NUB1: variants seen among roughly 807,000 people sequenced by gnomAD.
The protein encoded by NUB1 is negative regulator of ubiquitin like proteins 1, also known as NEDD8 ultimate buster 1.
NUB1 carries 41 observed loss-of-function variants against 77.1 expected under a neutral mutation model. The ratio of observed to expected loss-of-function variants is 0.53; its 90% CI spans 0.41 to 0.69. NUB1 has a LOEUF of 0.69. Among genes scored for constraint, NUB1 ranks in the 30% least tolerant of loss-of-function variants. The pLI is 0.00. For missense variants in NUB1, 643 were observed against 743.8 expected, an observed-to-expected ratio of 0.86 and a Z score of 1.58; for synonymous variants, 257 against 281.0, an observed-to-expected ratio of 0.91 and a Z score of 0.85.
intron 11 of NUB1, among the ~76,000 whole-genome samples, chr7:151,370,741 T>G (rs974820135): frequency 7.1e-6 from 1 of 140,996 alleles, no homozygotes; most frequent in African/African-American, 2.7e-5. Context: ...CCCCTTCCTG[T>G]GTCCACGTGT....
chr7:151,352,290 A>C (rs1464917562), intron 4 of NUB1: 1 of 377,222 alleles, frequency 2.7e-6, no homozygotes, highest in African/African-American at 2.1e-5. Context: ...CAAGCAGTAA[A>C]ACGGAAAGTT....
chr7:151,343,297 T>G (rs889360478), intron 1 of NUB1, among the ~76,000 whole-genome samples: 1 of 152,200 alleles, frequency 6.6e-6, no homozygotes, highest in African/African-American at 2.4e-5. Flanking sequence ...TTCTCCTCCC[T>G]GTCCTGATTA....
chr7:151,347,367 A>G (rs1462203480), intron 2 of NUB1, among the ~76,000 whole-genome samples: 1 of 152,024 alleles, frequency 6.6e-6, no homozygotes, highest in Non-Finnish European at 1.5e-5. Context: ...CCACCTGTGA[A>G]TAGCCACTGC....
Position 151,376,689 on chromosome 7 carries a change from G to A in NUB1, c.1547G>A (p.Arg516Lys). 1 of 1,610,994 alleles carries A rather than the reference G, an allele frequency of 6.2e-7. No individual in the cohort carries two copies. Among genetic ancestry groups the A allele is most frequent in the Non-Finnish European group, 8.5e-7 (1 of 1,178,798 alleles). Residue 516 changes from arginine to lysine, a missense_variant, in exon 14 of 15, where the codon AGA (arginine) becomes AAA (lysine). Arg to Lys is a conservative substitution (Grantham distance 26). Coordinates refer to ENST00000568733, the MANE Select transcript of NUB1 (RefSeq NM_001243351.2). ...LVAEAALRVF[R>K]GNVQLAAQTL... ...GCCGAAGCTGCGCTGAGAGTGTTCA[G>A]AGGCAACGTCCAGCTGGCCGCCCAG...
chr7:151,375,076 C>T (rs969294728), intron 12 of NUB1, among the ~76,000 whole-genome samples: 3 of 151,790 alleles, frequency 2.0e-5, no homozygotes, highest in Non-Finnish European at 4.4e-5. Flanking sequence ...CAGGTGTCCT[C>T]GTTTGCCCTG....
intron 8 of NUB1, among the ~76,000 whole-genome samples, chr7:151,366,333 C>A (rs898281608): frequency 6.6e-6 from 1 of 152,130 alleles, no homozygotes; most frequent in African/African-American, 2.4e-5. Context: ...AACATGAATG[C>A]CTTGTCAGAG....
intron 2 of NUB1, 21 bp downstream of exon 2, chr7:151,345,487 C>T (rs1451671322): frequency 8.7e-6 from 10 of 1,147,550 alleles, no homozygotes. Context: ...TTTAAGACAT[C>T]AATAATTAGC....
At chr7:151,372,395 A>C in intron 11 of NUB1, among the ~76,000 whole-genome samples, 1 of 152,232 alleles carries the variant, frequency 6.6e-6, no homozygotes, top group East Asian at 1.9e-4. Flanking sequence ...CGAAGCTCCC[A>C]GTTGGTGTGA....
rs777681977 is a variant in NUB1, at chr7:151,366,998, T to C, written c.860T>C (p.Ile287Thr). The C allele has an allele frequency of 1.1e-5, 18 of 1,613,654 alleles. No individual in the cohort carries two copies. Among genetic ancestry groups the C allele is most frequent in the Admixed American group, 1.7e-5 (1 of 59,988 alleles). The change falls in exon 9 of 15, where the codon ATA becomes ACA. Residue 287 changes from isoleucine to threonine, a missense_variant. By Grantham distance (89) the Ile-to-Thr change is moderately conservative. Transcript: ENST00000568733. ...AACTACGCCGTCCTCCAGCTGGATA[T>C]AGTGTGGTGTTACTTCCGCCTGGAA... The part of the protein sequence containing the change: ...VDNYAVLQLD[I>T]VWCYFRLEQL...
intron 1 of NUB1, among the ~76,000 whole-genome samples, chr7:151,344,152 G>C (rs1796350398): frequency 9.2e-6 from 1 of 108,372 alleles, no homozygotes; most frequent in Admixed American, 1.2e-4. Context: ...CTGCACTCTA[G>C]CCTGGGCGAC....
intron 9 of NUB1, 101 bp from the exon 10 acceptor site, chr7:151,367,760 A>G (rs2150702145): frequency 9.8e-6 from 7 of 712,664 alleles, no homozygotes; most frequent in Middle Eastern, 2.5e-4. Context: ...AATACCTATC[A>G]TGTTGCCCCT....
intron 8 of NUB1, among the ~76,000 whole-genome samples, chr7:151,363,236 A>G (rs907427598): frequency 1.3e-5 from 2 of 152,236 alleles, no homozygotes; most frequent in African/African-American, 2.4e-5. Flanking sequence ...ACTGTAATCC[A>G]TCTGCTGAAG....
chr7:151,345,446 A>C lies in NUB1; in HGVS notation c.97A>C (p.Lys33Gln), dbSNP rs1246134377. Residue 33 changes from lysine (K) to glutamine (Q), a missense_variant, in exon 2 of 15, where the codon AAA becomes CAA. Lys to Gln is a moderately conservative substitution (Grantham distance 53, BLOSUM62 1). Coordinates refer to ENST00000568733, the MANE Select transcript of NUB1 (RefSeq NM_001243351.2). ...WKPPYTDENKKVGLALKDLAK... is the reference protein window; with the variant it reads ...WKPPYTDENKQVGLALKDLAK... ...ACCTCCATATACAGATGAAAATAAA[A>C]AAGTTGGTTTGGCATTAAAGGTATT... 1 of 1,600,012 alleles carries C rather than the reference A, an allele frequency of 6.2e-7. No individual in the cohort carries two copies. Among genetic ancestry groups the C allele is most frequent in the Admixed American group, 1.7e-5 (1 of 57,586 alleles).
intron 12 of NUB1, among the ~76,000 whole-genome samples, chr7:151,374,925 G>T (rs1382075648): frequency 6.6e-6 from 1 of 152,170 alleles, no homozygotes; most frequent in Non-Finnish European, 1.5e-5. Context: ...GGGGCTGGCT[G>T]TGTGGAGGCA....
chr7:151,361,263 G>A (rs2150689583), intron 8 of NUB1: 1 of 152,272 alleles, frequency 6.6e-6, no homozygotes, highest in Non-Finnish European at 1.5e-5. Context: ...GACCAAAGAG[G>A]TTTCTTTTTC....
At chr7:151,375,491 A>G (rs1342046897) in intron 12 of NUB1, among the ~76,000 whole-genome samples, 1 of 152,246 alleles carries the variant, frequency 6.6e-6, no homozygotes, top group Non-Finnish European at 1.5e-5. Context: ...TTTTAAGTCT[A>G]GAGGGCATGA....
At chr7:151,342,498 TG>T (rs1292750109) in intron 1 of NUB1, among the ~76,000 whole-genome samples, 2 of 152,246 alleles carry the variant, frequency 1.3e-5, no homozygotes, top group Non-Finnish European at 2.9e-5. Flanking sequence ...ACTTTCTGCT[TG>T]GACCACGGAG....
intron 7 of NUB1, among the ~76,000 whole-genome samples, chr7:151,357,608 G>GTTTTTTTTTTTTTTTT (rs111661341): frequency 1.4e-5 from 2 of 143,148 alleles, no homozygotes; most frequent in African/African-American, 2.6e-5. Flanking sequence ...AAAGATTAAA[G>GTTTTTTTTTTTTTTTT]TTTTTTTTTT....
intron 14 of NUB1, 39 bp from the exon 15 acceptor site, chr7:151,377,008 C>A: frequency 6.7e-7 from 1 of 1,488,936 alleles, no homozygotes; most frequent in Non-Finnish European, 9.0e-7. Context: ...CAGGACAATC[C>A]TCACATAATT....
Sources: allele counts gnomAD v4.1 joint callset (sites outside exome capture counted in the v4.1 genomes callset), GRCh38; gene constraint gnomAD v4.1.1; transcripts MANE v1.5; gene names NCBI Gene and HGNC (gene_info 2026-07-23, HGNC 2026-07-21).